TNRC6C: variants seen among roughly 807,000 people sequenced by gnomAD.
TNRC6C encodes trinucleotide repeat containing adaptor 6C.
Under a neutral mutation model 153.7 loss-of-function variants are expected in TNRC6C, and 20 were observed. The observed-to-expected ratio is 0.13, with a 90% confidence interval of 0.09 to 0.19. The LOEUF (loss-of-function observed/expected upper bound fraction) is 0.19. TNRC6C is among the 10% of genes least tolerant of loss of function. The pLI, the probability that TNRC6C is intolerant of heterozygous loss-of-function variation, is 1.00. For missense variants in TNRC6C, 1,987 were observed against 2,172.0 expected (o/e 0.91, Z 1.69); for synonymous variants, 811 against 841.4 (o/e 0.96, Z 0.63).
chr17:77,993,625 CTT>C (rs1289879807), intron 1 of TNRC6C, among the ~76,000 whole-genome samples: 1 of 151,340 alleles, frequency 6.6e-6, no homozygotes, highest in African/African-American at 2.4e-5. Context: ...TAATTAGAAC[CTT>C]TTTTTTTCTT....
intron 1 of TNRC6C, among the ~76,000 whole-genome samples, chr17:78,027,372 T>G (rs2071962106): frequency 6.6e-6 from 1 of 152,144 alleles, no homozygotes; most frequent in Non-Finnish European, 1.5e-5. Context: ...AGGAGCTAAT[T>G]ACAGTAGCCA....
intron 1 of TNRC6C, among the ~76,000 whole-genome samples, chr17:78,014,786 C>G (rs1314998505): frequency 6.6e-6 from 1 of 151,534 alleles, no homozygotes; most frequent in East Asian, 1.9e-4. Context: ...TTGAGTTGGG[C>G]TCCAAATGTT....
chr17:78,071,116 C>A (rs775485544), exon 6 of TNRC6C: 2 of 1,607,516 alleles, frequency 1.2e-6, no homozygotes, highest in Admixed American at 1.7e-5. Context: ...CAGGATGAGG[C>A]CTGGATCATG....
intron 16 of TNRC6C, among the ~76,000 whole-genome samples, chr17:78,095,925 TC>T (rs2073478280): frequency 6.6e-6 from 1 of 151,960 alleles, no homozygotes; most frequent in African/African-American, 2.4e-5. Context: ...GTGGCACACG[TC>T]AGTGGTCCCA....
intron 3 of TNRC6C, among the ~76,000 whole-genome samples, chr17:78,064,174 A>C (rs2072825101): frequency 6.6e-6 from 1 of 152,122 alleles, no homozygotes; most frequent in Admixed American, 6.6e-5. Flanking sequence ...CGTAAAACTT[A>C]ACCACTTGGT....
At chr17:78,063,486 A>C (rs1006022796) in intron 3 of TNRC6C, among the ~76,000 whole-genome samples, 13 of 152,092 alleles carry the variant, frequency 8.5e-5, no homozygotes, top group Admixed American at 8.5e-4. Context: ...CGTGTTGTCA[A>C]GGGTCACCTG....
At position 78,050,286 on chromosome 17, in the gene TNRC6C, A is replaced by T. The variant is rs142685898; in HGVS notation, c.1224A>T (p.Glu408Asp). The stretch of plus-strand genomic sequence containing the variant: ...GTGATGGTTCTGGCAACCACAATGA[A>T]GGAAGCACTGGGAGGGAAGGAACGG... Residue 408 changes from glutamate to aspartate, a missense_variant, in exon 3 of 20, where the codon GAA becomes GAT. Glu to Asp is a conservative substitution (Grantham distance 45). Coordinates refer to ENST00000301624, the Ensembl canonical transcript of TNRC6C. 5 of 1,552,212 alleles carry T rather than the reference A, an allele frequency of 3.2e-6. No individual in the cohort carries two copies. In the East Asian group the frequency reaches 1.1e-4, roughly 35 times the overall value.
chr17:78,035,212 G>T (rs1470276649), intron 2 of TNRC6C, among the ~76,000 whole-genome samples: 1 of 152,154 alleles, frequency 6.6e-6, no homozygotes, highest in Non-Finnish European at 1.5e-5. Context: ...TGTTGTTACG[G>T]TGTTGGCACA....
intron 1 of TNRC6C, among the ~76,000 whole-genome samples, chr17:77,978,400 C>T (rs570379435): frequency 6.6e-4 from 100 of 152,270 alleles, no homozygotes; most frequent in Non-Finnish European, 1.3e-3. Context: ...TTTTGGGTGT[C>T]TGCTTCTGGC....
intron 1 of TNRC6C, among the ~76,000 whole-genome samples, chr17:78,023,174 G>A (rs923821340): frequency 3.9e-5 from 6 of 152,126 alleles, no homozygotes; most frequent in South Asian, 2.1e-4. Context: ...GAGGATATGC[G>A]TAGGTTATAC....
chr17:78,008,475 G>A (rs2071562243), intron 1 of TNRC6C: 1 of 152,212 alleles, frequency 6.6e-6, no homozygotes, highest in African/African-American at 2.4e-5. Context: ...TTTCTCTGCA[G>A]CCAGGAGATA....
intron 1 of TNRC6C, among the ~76,000 whole-genome samples, chr17:78,009,800 A>T (rs2071591198): frequency 6.6e-6 from 1 of 152,162 alleles, no homozygotes; most frequent in Non-Finnish European, 1.5e-5. Flanking sequence ...TGATCTGCCC[A>T]CTTCGGCCTC....
chr17:77,986,428 AG>A (rs1160366906), intron 1 of TNRC6C, among the ~76,000 whole-genome samples: 4 of 149,156 alleles, frequency 2.7e-5, no homozygotes, highest in African/African-American at 9.9e-5. Flanking sequence ...AAAAAAAAAA[AG>A]AAGAAGAAGA....
chr17:78,076,152 G>A (rs908846466), intron 8 of TNRC6C, among the ~76,000 whole-genome samples: 3 of 151,768 alleles, frequency 2.0e-5, no homozygotes, highest in Non-Finnish European at 4.4e-5. Flanking sequence ...GGAGGCGGAG[G>A]TTGCAGTAAG....
At chr17:78,069,388 G>T (rs533856229) in intron 5 of TNRC6C, among the ~76,000 whole-genome samples, 70 of 152,118 alleles carry the variant, frequency 4.6e-4, no homozygotes, top group African/African-American at 1.6e-3. Flanking sequence ...CAGAAAGCCA[G>T]CGTTTTGATT....
At chr17:78,012,947 A>G (rs1262726282) in intron 1 of TNRC6C, among the ~76,000 whole-genome samples, 1 of 152,214 alleles carries the variant, frequency 6.6e-6, no homozygotes, top group Non-Finnish European at 1.5e-5. Flanking sequence ...TGGGAAAGGA[A>G]AATACTGATA....
intron 1 of TNRC6C, among the ~76,000 whole-genome samples, chr17:78,011,341 C>T (rs1163762491): frequency 6.6e-6 from 1 of 152,166 alleles, no homozygotes; most frequent in Non-Finnish European, 1.5e-5. Context: ...TCCTCTGTCC[C>T]CACCCTACCC....
rs1002427745 is a variant in TNRC6C, at chr17:78,079,141, C to T, written c.3211-254C>T. 6.6e-5 allele frequency among the ~76,000 whole-genome samples: 10 copies of T among 150,618 alleles called. No homozygotes were observed. The highest frequency in any genetic ancestry group is 1.3e-4 in the Non-Finnish European group (9 of 67,646). ...GCGGGGGTCTGTAATCCCAGCTACTCGGGAGGCTGAGGCAGGAGAATCACT... is the reference window on the plus strand; with the variant it reads ...GCGGGGGTCTGTAATCCCAGCTACTTGGGAGGCTGAGGCAGGAGAATCACT... On this transcript the variant is annotated intron_variant, in intron 9 of 19. Coordinates refer to ENST00000301624, the Ensembl canonical transcript of TNRC6C. The surrounding 1 kb of genome is among the most constrained non-coding windows in gnomAD (Gnocchi z 4.3).
chr17:78,077,123 T>C, intron 8 of TNRC6C, 62 bp from the exon 11 acceptor site: 2 of 1,525,494 alleles, frequency 1.3e-6, no homozygotes, highest in South Asian at 2.5e-5. Flanking sequence ...CTTGGGAAAC[T>C]GTTTGGTGCT....
Sources: gnomAD v4.1 joint callset for allele counts (sites outside exome capture counted in the v4.1 genomes callset) on GRCh38, gnomAD v4.1.1 for gene constraint, Gnocchi (gnomAD v3.1) non-coding constraint, MANE v1.5 for transcripts, NCBI Gene and HGNC (gene_info 2026-07-23, HGNC 2026-07-21) for gene names.